ABCA13: variants seen among roughly 807,000 people sequenced by gnomAD.
ABCA13 encodes ATP binding cassette subfamily A member 13, also known as ATP-binding cassette sub-family A member 13.
In ABCA13, 476 loss-of-function variants were observed where a neutral mutation model predicts 478.7. The ratio of observed to expected loss-of-function variants is 0.99; its 90% CI spans 0.92 to 1.07. ABCA13 has a LOEUF of 1.07. Ranked by LOEUF, ABCA13 falls within the 50% of genes least tolerant of loss-of-function variation. The probability of loss-of-function intolerance (pLI) is 0.00; values close to 1 mark genes in which losing one functional copy is unlikely to be tolerated. For missense variants in ABCA13, 6,060 were observed against 5,910.6 expected, an observed-to-expected ratio of 1.03 and a Z score of -0.83; for synonymous variants, 2,252 against 2,158.9, an observed-to-expected ratio of 1.04 and a Z score of -1.20.
chr7:48,627,056 A>G (rs966154801), intron 59 of ABCA13: 2 of 985,010 alleles, frequency 2.0e-6, no homozygotes, highest in East Asian at 2.3e-4. Context: ...ATGTTGCTGC[A>G]TTTATTTTAA....
chr7:48,466,328 GT>G (rs1041781527), intron 43 of ABCA13, among the ~76,000 whole-genome samples: 6 of 152,144 alleles, frequency 3.9e-5, no homozygotes, highest in African/African-American at 1.4e-4. Flanking sequence ...AGTATTGGTG[GT>G]TTTGGCTTTC....
At chr7:48,287,329 C>T (rs779174014) in intron 19 of ABCA13, among the ~76,000 whole-genome samples, 1 of 152,062 alleles carries the variant, frequency 6.6e-6, no homozygotes, top group Non-Finnish European at 1.5e-5. Flanking sequence ...TGGATCAGAG[C>T]GTAAGGCAGA....
chr7:48,580,346 G>T lies in ABCA13; in HGVS notation c.14477G>T (p.Arg4826Leu), dbSNP rs771175690. Residue 4826 changes from arginine to leucine, a missense_variant, in exon 56 of 62, where the codon CGC (arginine) becomes CTC (leucine). By Grantham distance (102) the Arg-to-Leu change is moderately radical. Coordinates refer to ENST00000435803, the MANE Select transcript of ABCA13 (RefSeq NM_152701.5). ...CATCTCTATTATTACTGTAGCTTAC[G>T]CGGGATTCCAAGGCAGTGCATCCCT... ...WEHLYYYCSLRGIPRQCIPEV... is the reference protein window; with the variant it reads ...WEHLYYYCSLLGIPRQCIPEV... 1.2e-6 allele frequency: 2 copies of T among 1,612,866 alleles called. No individual in the cohort carries two copies. Among genetic ancestry groups the T allele is most frequent in the Non-Finnish European group, 1.7e-6 (2 of 1,179,466 alleles).
chr7:48,553,560 A>G (rs1011363371), intron 55 of ABCA13, among the ~76,000 whole-genome samples: 4 of 151,998 alleles, frequency 2.6e-5, no homozygotes, highest in Admixed American at 2.6e-4. Context: ...TCTGATGATG[A>G]GTGATGTTGG....
At chr7:48,642,511 T>C (rs1795166311) in intron 59 of ABCA13, among the ~76,000 whole-genome samples, 1 of 152,184 alleles carries the variant, frequency 6.6e-6, no homozygotes, top group Admixed American at 6.6e-5. Context: ...GTGAACAAAA[T>C]GGACAGAGAT....
intron 42 of ABCA13, among the ~76,000 whole-genome samples, chr7:48,430,606 G>A (rs902355293): frequency 4.0e-5 from 6 of 151,354 alleles, no homozygotes; most frequent in African/African-American, 7.3e-5. Context: ...CCCGGGAGGC[G>A]GAGGTTGCAG....
At chr7:48,501,187 C>G (rs913220210) in intron 48 of ABCA13, among the ~76,000 whole-genome samples, 2 of 152,118 alleles carry the variant, frequency 1.3e-5, no homozygotes, top group African/African-American at 4.8e-5. Flanking sequence ...GGAGTGAACT[C>G]AAGACTGACA....
intron 5 of ABCA13, among the ~76,000 whole-genome samples, chr7:48,226,812 C>T (rs1788278631): frequency 6.6e-6 from 1 of 152,116 alleles, no homozygotes; most frequent in South Asian, 2.1e-4. Flanking sequence ...GCTGCATTTG[C>T]CTTCTGATCA....
intron 3 of ABCA13, among the ~76,000 whole-genome samples, chr7:48,208,230 C>A (rs1270605084): frequency 6.6e-6 from 1 of 152,040 alleles, no homozygotes; most frequent in Admixed American, 6.6e-5. Flanking sequence ...TAATGTGATG[C>A]CATCAGCTTT....
In ABCA13 at chr7:48,310,178, A is replaced by G. The variant is rs1226168227; in HGVS notation, c.9516+37A>G. The G allele has an allele frequency of 4.4e-6, 7 of 1,573,304 alleles. No homozygotes were observed. The South Asian group carries it at 7.2e-5, about 16-fold the overall frequency. ...ATGCTGGCTGGGGGCAGTCCTCTGC[A>G]GGACTCTGCTGTGGTGGCTGCAGAT... is the stretch of plus-strand genomic sequence containing the variant. On this transcript the variant is annotated intron_variant, in intron 24 of 61. Transcript: ENST00000435803.
chr7:48,453,008 T>TATAG (rs572127677), intron 42 of ABCA13, among the ~76,000 whole-genome samples: 1 of 152,218 alleles, frequency 6.6e-6, no homozygotes, highest in Non-Finnish European at 1.5e-5. Flanking sequence ...TGTGTATATA[T>TATAG]ATAGATAGAT....
intron 39 of ABCA13, among the ~76,000 whole-genome samples, chr7:48,404,857 G>T (rs541915537): frequency 1.1e-3 from 162 of 152,316 alleles, no homozygotes; most frequent in Non-Finnish European, 1.8e-3. Context: ...GTTTCTTTCT[G>T]TCCCACAATT....
chr7:48,558,923 T>C (rs550624463), intron 55 of ABCA13, among the ~76,000 whole-genome samples: 2 of 152,174 alleles, frequency 1.3e-5, no homozygotes, highest in Non-Finnish European at 2.9e-5. Context: ...TGTGCCCATA[T>C]TTTTGGGGAA....
chr7:48,286,706 C>G (rs553513727), intron 19 of ABCA13, among the ~76,000 whole-genome samples: 1 of 151,960 alleles, frequency 6.6e-6, no homozygotes, highest in East Asian at 1.9e-4. Flanking sequence ...GGTTTTACCA[C>G]ATTGGCCAGG....
At chr7:48,206,875 C>T (rs957006324) in intron 3 of ABCA13, among the ~76,000 whole-genome samples, 8 of 151,980 alleles carry the variant, frequency 5.3e-5, no homozygotes, top group Admixed American at 1.3e-4. Flanking sequence ...TATCTATAGT[C>T]ATCCCAGTGT....
In ABCA13 at chr7:48,204,278, C is replaced by T. The variant is rs866757852; in HGVS notation, c.287+5918C>T. 5.9e-5 allele frequency among the ~76,000 whole-genome samples: 9 copies of T among 151,530 alleles called. No individual in the cohort carries two copies. The South Asian group carries it at 6.3e-4, about 11-fold the overall frequency. ...AGGCTGGAGTGCAGTGGTGCGATCTCGGCTCACTGCAACCTCCGCCTCCCG... is the reference window on the plus strand; with the variant it reads ...AGGCTGGAGTGCAGTGGTGCGATCTTGGCTCACTGCAACCTCCGCCTCCCG... On this transcript the variant is annotated intron_variant, in intron 3 of 61. Transcript: ENST00000435803.
At chr7:48,224,229 C>T (rs904439442) in intron 5 of ABCA13, among the ~76,000 whole-genome samples, 3 of 152,184 alleles carry the variant, frequency 2.0e-5, no homozygotes, top group African/African-American at 7.2e-5. Flanking sequence ...TTCTGTTCTT[C>T]CCCGAAGTCA....
At chr7:48,429,793 C>T (rs1195829015) in intron 42 of ABCA13, among the ~76,000 whole-genome samples, 3 of 152,126 alleles carry the variant, frequency 2.0e-5, no homozygotes, top group Admixed American at 6.5e-5. Flanking sequence ...TTGCCAAATG[C>T]TTTCTCTGCA....
chr7:48,381,775 T>C (rs1814427639), intron 35 of ABCA13, among the ~76,000 whole-genome samples: 1 of 152,236 alleles, frequency 6.6e-6, no homozygotes, highest in Non-Finnish European at 1.5e-5. Flanking sequence ...CAGTTCCCCT[T>C]GAGGAGAAAA....
Sources: allele counts gnomAD v4.1 joint callset (sites outside exome capture counted in the v4.1 genomes callset), GRCh38; gene constraint gnomAD v4.1.1; transcripts MANE v1.5; gene names NCBI Gene and HGNC (gene_info 2026-07-23, HGNC 2026-07-21).